The following SHISA9 variants were observed in gnomAD, a reference collection of about 807,000 sequenced individuals.
SHISA9 encodes the protein shisa family member 9.
Under a neutral mutation model 38.0 loss-of-function variants are expected in SHISA9, and 13 were observed. The ratio of observed to expected loss-of-function variants is 0.34; its 90% CI spans 0.22 to 0.54. The LOEUF is 0.54. Among genes scored for constraint, SHISA9 ranks in the 20% least tolerant of loss-of-function variants. SHISA9 has a pLI of 0.91. For missense variants in SHISA9, 538 were observed against 575.8 expected (o/e 0.93, Z 0.67); for synonymous variants, 275 against 242.0 (o/e 1.14, Z -1.27).
intron 1 of SHISA9, among the ~76,000 whole-genome samples, chr16:12,905,096 C>G (rs940056293): frequency 1.3e-5 from 2 of 152,160 alleles, no homozygotes; most frequent in Non-Finnish European, 2.9e-5. Flanking sequence ...CTAATGCCTG[C>G]TGAGCACTGT....
the SHISA9 span, among the ~76,000 whole-genome samples, chr16:13,554,412 ATACTC>A: frequency 6.6e-6 from 1 of 151,802 alleles, no homozygotes; most frequent in African/African-American, 2.4e-5. Context: ...TTTGCTATAA[ATACTC>A]TATTATAAAT....
the SHISA9 span, among the ~76,000 whole-genome samples, chr16:13,372,457 T>G: frequency 1.3e-5 from 2 of 152,168 alleles, no homozygotes; most frequent in Admixed American, 6.5e-5. Flanking sequence ...TAGGTCTAAT[T>G]GCAACTTGCC....
chr16:13,223,963 G>C (rs780279564), intron 4 of SHISA9, among the ~76,000 whole-genome samples: 9 of 152,200 alleles, frequency 5.9e-5, no homozygotes, highest in Non-Finnish European at 1.2e-4. Flanking sequence ...CAGGTGTCCT[G>C]GGTTCAAGTC....
At chr16:12,965,506 C>T (rs976214523) in intron 2 of SHISA9, among the ~76,000 whole-genome samples, 4 of 152,196 alleles carry the variant, frequency 2.6e-5, no homozygotes, top group Non-Finnish European at 5.9e-5. Flanking sequence ...GGAGATACAA[C>T]TGTGAGACAA....
intron 2 of SHISA9, among the ~76,000 whole-genome samples, chr16:13,142,350 G>A (rs929278050): frequency 2.6e-5 from 4 of 152,148 alleles, no homozygotes; most frequent in African/African-American, 7.2e-5. Context: ...TGAGTTCCCC[G>A]AACTATATTG....
chr16:12,993,703 T>C (rs1480517388), intron 2 of SHISA9, among the ~76,000 whole-genome samples: 1 of 152,190 alleles, frequency 6.6e-6, no homozygotes, highest in Admixed American at 6.5e-5. Context: ...TACCCACTTA[T>C]AATTTCAATC....
chr16:12,963,922 C>T lies in SHISA9; in HGVS notation c.691+47107C>T, dbSNP rs976939539. Among the ~76,000 whole-genome samples, 13 of 152,320 alleles carry T rather than the reference C, an allele frequency of 8.5e-5. No homozygotes were observed. In the South Asian group the frequency reaches 1.5e-3, roughly 17 times the overall value. ...GAGGGAAGAACCATTTATGTAATCC[C>T]TTCCCTCTGGTCCTCACCAAGGGGG... On this transcript the variant is annotated intron_variant, in intron 2 of 4. Transcript: ENST00000558583.
the SHISA9 span, among the ~76,000 whole-genome samples, chr16:13,409,184 G>A: frequency 6.6e-6 from 1 of 152,116 alleles, no homozygotes; most frequent in Non-Finnish European, 1.5e-5. Context: ...CCGCTAGATG[G>A]CCAAACTCCA....
intron 2 of SHISA9, among the ~76,000 whole-genome samples, chr16:12,958,534 T>C (rs540933666): frequency 8.1e-4 from 124 of 152,350 alleles, no homozygotes; most frequent in Non-Finnish European, 1.4e-3. Flanking sequence ...GTCTTCATAA[T>C]AGATGGCCTG....
At chr16:13,446,154 C>G in the SHISA9 span, among the ~76,000 whole-genome samples, 18 of 152,066 alleles carry the variant, frequency 1.2e-4, no homozygotes, top group East Asian at 3.5e-3. Flanking sequence ...CCCATGCTGG[C>G]CAGGATGGTC....
At chr16:13,377,563 C>A in the SHISA9 span, among the ~76,000 whole-genome samples, 1 of 152,150 alleles carries the variant, frequency 6.6e-6, no homozygotes, top group Non-Finnish European at 1.5e-5. Flanking sequence ...TCCCGATCAC[C>A]TTTAATATGC....
chr16:13,112,659 G>C (rs993515264), intron 2 of SHISA9, among the ~76,000 whole-genome samples: 2 of 151,936 alleles, frequency 1.3e-5, no homozygotes, highest in Non-Finnish European at 2.9e-5. Context: ...TTAAAGACCA[G>C]TCAAGGGGTT....
At chr16:13,429,151 G>A in the SHISA9 span, among the ~76,000 whole-genome samples, 4 of 152,174 alleles carry the variant, frequency 2.6e-5, no homozygotes, top group African/African-American at 9.7e-5. Flanking sequence ...AAGGTTGATA[G>A]CAATAGACCA....
intron 2 of SHISA9, among the ~76,000 whole-genome samples, chr16:13,070,269 A>C: frequency 6.7e-6 from 1 of 149,612 alleles, no homozygotes; most frequent in Non-Finnish European, 1.5e-5. Context: ...TGTCCCCCGG[A>C]CTCTGCCTCC....
the SHISA9 span, among the ~76,000 whole-genome samples, chr16:13,443,982 G>A: frequency 1.7e-4 from 26 of 152,252 alleles, no homozygotes; most frequent in Middle Eastern, 3.4e-3. Context: ...AATTGTCATG[G>A]AATAGCCATC....
At chr16:12,940,575 GA>G (rs1334161643) in intron 2 of SHISA9, among the ~76,000 whole-genome samples, 2 of 152,172 alleles carry the variant, frequency 1.3e-5, no homozygotes, top group African/African-American at 4.8e-5. Flanking sequence ...CTGCATTAGA[GA>G]AAATAAAAAC....
At chr16:13,177,931 G>T (rs987612098) in intron 2 of SHISA9, among the ~76,000 whole-genome samples, 36 of 152,174 alleles carry the variant, frequency 2.4e-4, no homozygotes, top group African/African-American at 8.2e-4. Context: ...GCCTCCCAAA[G>T]TGCTGGGATT....
intron 2 of SHISA9, among the ~76,000 whole-genome samples, chr16:13,044,672 A>G (rs1031892322): frequency 1.5e-4 from 23 of 152,204 alleles, no homozygotes; most frequent in African/African-American, 2.4e-4. Flanking sequence ...GGCAGAGGCT[A>G]TAGAATGTAT....
the SHISA9 span, among the ~76,000 whole-genome samples, chr16:13,344,611 C>T: frequency 6.6e-6 from 1 of 152,132 alleles, no homozygotes; most frequent in South Asian, 2.1e-4. Context: ...ACAGTAGAAA[C>T]TATCATAGTG....
Sources: allele counts gnomAD v4.1 joint callset (sites outside exome capture counted in the v4.1 genomes callset), GRCh38; gene constraint gnomAD v4.1.1; transcripts MANE v1.5; gene names NCBI Gene and HGNC (gene_info 2026-07-23, HGNC 2026-07-21).